PCDHGA5: variants seen among roughly 807,000 people sequenced by gnomAD.
The protein encoded by PCDHGA5 is protocadherin gamma-A5.
A neutral mutation model predicts 56.7 loss-of-function variants in PCDHGA5; 36 were observed. The observed-to-expected ratio is 0.64, with a 90% CI of 0.49 to 0.84. The LOEUF (loss-of-function observed/expected upper bound fraction) is 0.84, where lower values mean the gene tolerates loss of function less well. PCDHGA5 is among the 40% of genes least tolerant of loss of function. PCDHGA5 has a pLI of 0.00. For synonymous variants in PCDHGA5, 563 were observed against 520.2 expected, an observed-to-expected ratio of 1.08 and a Z score of -1.12; for missense variants, 1,305 against 1,201.5, an observed-to-expected ratio of 1.09 and a Z score of -1.27.
chr5:141,489,339 C>T lies in PCDHGA5; in HGVS notation c.2422-5468C>T. 6.2e-7 allele frequency: 1 copy of T among 1,608,828 alleles called. No individual in the cohort carries two copies. On this transcript the variant is annotated intron_variant, in intron 1 of 3. Transcript: ENST00000518069. The surrounding 1 kb of genome is among the most constrained non-coding windows in gnomAD (Gnocchi z 4.5). ...GCTGGGTGTCTGGGCAGCTTCGTTA[C>T]TCAGTGGTGGAGGAGTCTGAGCCGG...
intron 1 of PCDHGA5, chr5:141,430,853 C>A: frequency 6.3e-7 from 1 of 1,587,214 alleles, no homozygotes; most frequent in Non-Finnish European, 8.6e-7. Flanking sequence ...CACCCAGATA[C>A]GCTATTCAGT....
chr5:141,496,981 T>A (rs928774783), intron 2 of PCDHGA5, among the ~76,000 whole-genome samples: 1 of 150,304 alleles, frequency 6.7e-6, no homozygotes, highest in African/African-American at 2.5e-5. Context: ...AGGTCAGGGG[T>A]TTGAGACCAG....
At chr5:141,452,227 T>C (rs2098736376) in intron 1 of PCDHGA5, among the ~76,000 whole-genome samples, 1 of 152,232 alleles carries the variant, frequency 6.6e-6, no homozygotes, top group African/African-American at 2.4e-5. Context: ...CTCTTCAAGC[T>C]GGTTCTTGTG....
At position 141,414,140 on chromosome 5, in the gene PCDHGA5, A is replaced by G. The variant is rs764980296; in HGVS notation, c.2421+47389A>G. ...GAAGAAACCGGTTTCTATGAAATAG[A>G]AATACAAGCAGAAGATGGAGGAGCA... On this transcript the variant is annotated intron_variant, in intron 1 of 3. Transcript: ENST00000518069. 4 of 1,596,912 alleles carry G rather than the reference A, an allele frequency of 2.5e-6. No individual in the cohort carries two copies. In the African/African-American group the frequency reaches 5.4e-5, roughly 21 times the overall value.
intron 1 of PCDHGA5, chr5:141,374,308 C>T: frequency 6.2e-7 from 1 of 1,613,970 alleles, no homozygotes; most frequent in Non-Finnish European, 8.5e-7. Flanking sequence ...TGCAGCTTTT[C>T]TCTCTGAATC....
intron 1 of PCDHGA5, among the ~76,000 whole-genome samples, chr5:141,488,870 G>T (rs2099680071): frequency 6.6e-6 from 1 of 152,224 alleles, no homozygotes; most frequent in African/African-American, 2.4e-5. Context: ...TGAGTGGGGA[G>T]GTAGGAAGCT....
intron 1 of PCDHGA5, chr5:141,419,186 A>G: frequency 1.2e-6 from 2 of 1,613,940 alleles, no homozygotes; most frequent in Non-Finnish European, 1.7e-6. Context: ...CCTGCACATT[A>G]CTGACGTCAA....
Position 141,386,707 on chromosome 5 carries a change from T to C in PCDHGA5, c.2421+19956T>C, listed in dbSNP as rs577728957. Among the ~76,000 whole-genome samples, 44 of 152,320 alleles carry C rather than the reference T, an allele frequency of 2.9e-4. No homozygotes were observed. The South Asian group carries it at 9.1e-3, about 32-fold the overall frequency. On this transcript the variant is annotated intron_variant, in intron 1 of 3. Transcript: ENST00000518069. ...AATCACTTGGGGTAGAAGACAATGT[T>C]GCTGACACCAACAATGTTACTGAGG... is the stretch of plus-strand genomic sequence containing the variant.
chr5:141,389,597 G>A (rs372987681), intron 1 of PCDHGA5: 95 of 1,613,008 alleles, frequency 5.9e-5, no homozygotes, highest in Non-Finnish European at 7.5e-5. Context: ...ACGGCTCTGC[G>A]CTCTTCGATA....
intron 1 of PCDHGA5, chr5:141,373,786 G>A: frequency 3.4e-6 from 1 of 289,890 alleles, no homozygotes; most frequent in Non-Finnish European, 6.3e-6. Flanking sequence ...AGATTTAGCA[G>A]AAATAAAATC....
intron 1 of PCDHGA5, chr5:141,427,653 G>A (rs1221862562): frequency 4.1e-6 from 3 of 725,570 alleles, no homozygotes; most frequent in Non-Finnish European, 4.9e-6. Flanking sequence ...CTCCTACGTG[G>A]TCCACGTGGC....
chr5:141,458,549 T>A (rs2098948402), intron 1 of PCDHGA5, among the ~76,000 whole-genome samples: 1 of 148,072 alleles, frequency 6.8e-6, no homozygotes, highest in African/African-American at 2.6e-5. Flanking sequence ...ATTTTGTTTG[T>A]TTGTTTTGGT....
intron 1 of PCDHGA5, chr5:141,393,074 G>C (rs775449711): frequency 7.4e-6 from 12 of 1,613,592 alleles, no homozygotes; most frequent in African/African-American, 2.7e-5. Flanking sequence ...TGATCACCGC[G>C]GGCAGGATAG....
Position 141,502,395 on chromosome 5 carries a change from G to A in PCDHGA5, c.2481-2998G>A, listed in dbSNP as rs115188718. The stretch of plus-strand genomic sequence containing the variant: ...GTCCAGGCCAGTTGTACTTTAAAAT[G>A]TCCCCGAACCTGGATTTGCTGGCTA... On this transcript the variant is annotated intron_variant, in intron 2 of 3. Transcript: ENST00000518069. Among the ~76,000 whole-genome samples, 610 of 151,894 alleles carry A rather than the reference G, an allele frequency of 4.0e-3. 3 individuals carry two copies. Among genetic ancestry groups the A allele is most frequent in the African/African-American group, 0.013 (553 of 41,410 alleles).
At chr5:141,454,666 A>G (rs1561955978) in intron 1 of PCDHGA5, among the ~76,000 whole-genome samples, 1 of 152,104 alleles carries the variant, frequency 6.6e-6, no homozygotes, top group Non-Finnish European at 1.5e-5. Context: ...TCGGCCTCCC[A>G]AAACACTGGG....
At chr5:141,481,472 A>G (rs2099538174) in intron 1 of PCDHGA5, among the ~76,000 whole-genome samples, 1 of 152,246 alleles carries the variant, frequency 6.6e-6, no homozygotes, top group Non-Finnish European at 1.5e-5. Context: ...CCATTGGATT[A>G]TACACTTTAA....
intron 1 of PCDHGA5, chr5:141,430,885 C>T (rs771554381): frequency 5.6e-6 from 9 of 1,605,218 alleles, no homozygotes; most frequent in South Asian, 1.1e-5. Flanking sequence ...TGGAGAAAGG[C>T]TCTAGGGTGG....
At chr5:141,449,282 G>A (rs1285842278) in intron 1 of PCDHGA5, among the ~76,000 whole-genome samples, 17 of 152,002 alleles carry the variant, frequency 1.1e-4, no homozygotes, top group Admixed American at 4.6e-4. Context: ...CCTTCACCCG[G>A]ATGCACCGGG....
chr5:141,477,393 G>C lies in PCDHGA5; in HGVS notation c.2422-17414G>C. ...GAGACTGTGCCAGAATACAACCTCA[G>C]CATCACCGCCCGAGACGCCGGAACC... On this transcript the variant is annotated intron_variant, in intron 1 of 3. Coordinates refer to ENST00000518069, the MANE Select transcript of PCDHGA5 (RefSeq NM_018918.3). The surrounding 1 kb of genome is among the most constrained non-coding windows in gnomAD (Gnocchi z 4.9). The C allele has an allele frequency of 6.2e-7, 1 of 1,614,098 alleles. No individual in the cohort carries two copies. The highest frequency in any genetic ancestry group is 8.5e-7 in the Non-Finnish European group (1 of 1,180,028).
Sources: gnomAD v4.1 joint callset for allele counts (sites outside exome capture counted in the v4.1 genomes callset) on GRCh38, gnomAD v4.1.1 for gene constraint, Gnocchi (gnomAD v3.1) non-coding constraint, MANE v1.5 for transcripts, NCBI Gene and HGNC (gene_info 2026-07-23, HGNC 2026-07-21) for gene names.